The following EXOC6B variants were observed in gnomAD, a reference collection of about 807,000 sequenced individuals.
The protein encoded by EXOC6B is exocyst complex component 6B.
A neutral mutation model predicts 113.5 loss-of-function variants in EXOC6B; 54 were observed. The ratio of observed to expected loss-of-function variants is 0.48; its 90% CI spans 0.38 to 0.60. The LOEUF is 0.60. Among genes scored for constraint, EXOC6B ranks in the 20% least tolerant of loss-of-function variants. The pLI is 0.00. For synonymous variants in EXOC6B, 357 were observed against 339.0 expected (o/e 1.05, Z -0.58); for missense variants, 797 against 977.5 (o/e 0.82, Z 2.46).
At chr2:72,535,663 G>A (rs1203214216) in intron 8 of EXOC6B, among the ~76,000 whole-genome samples, 4 of 151,888 alleles carry the variant, frequency 2.6e-5, no homozygotes, top group East Asian at 1.9e-4. Context: ...ACCTGAGGTC[G>A]AGAGTTCAAG....
chr2:72,340,665 C>G (rs1401706228), intron 19 of EXOC6B, among the ~76,000 whole-genome samples: 1 of 152,106 alleles, frequency 6.6e-6, no homozygotes, highest in African/African-American at 2.4e-5. Flanking sequence ...AGCATAAAAT[C>G]CTAAGCTATA....
chr2:72,633,787 C>G (rs1223538830), intron 6 of EXOC6B, among the ~76,000 whole-genome samples: 1 of 151,926 alleles, frequency 6.6e-6, no homozygotes, highest in East Asian at 1.9e-4. Flanking sequence ...AGGGTCTGTC[C>G]CATTAAATAA....
At chr2:72,293,893 T>C (rs970607535) in intron 20 of EXOC6B, among the ~76,000 whole-genome samples, 2 of 152,106 alleles carry the variant, frequency 1.3e-5, no homozygotes, top group Admixed American at 6.5e-5. Flanking sequence ...AAAAAAGCTA[T>C]GGAAAAAGGC....
At chr2:72,557,679 A>G (rs1475786017) in intron 8 of EXOC6B, among the ~76,000 whole-genome samples, 2 of 152,074 alleles carry the variant, frequency 1.3e-5, no homozygotes, top group Non-Finnish European at 2.9e-5. Flanking sequence ...GAGGAGAGAG[A>G]GAAGCAGAAA....
intron 19 of EXOC6B, among the ~76,000 whole-genome samples, chr2:72,365,675 C>T (rs368955406): frequency 1.3e-5 from 2 of 152,054 alleles, no homozygotes; most frequent in African/African-American, 4.8e-5. Flanking sequence ...AAGGTCCTTT[C>T]GGTATTTGGT....
At chr2:72,636,521 G>A (rs1334150599) in intron 6 of EXOC6B, among the ~76,000 whole-genome samples, 7 of 150,516 alleles carry the variant, frequency 4.7e-5, no homozygotes, top group African/African-American at 1.7e-4. Flanking sequence ...AAAGAAGGAA[G>A]AAGAAGAGGC....
chr2:72,400,046 T>C (rs754118285), intron 18 of EXOC6B, among the ~76,000 whole-genome samples: 3 of 151,980 alleles, frequency 2.0e-5, no homozygotes, highest in East Asian at 1.9e-4. Flanking sequence ...TACAAAGCTA[T>C]AGTAATCAAA....
At chr2:72,369,564 A>G (rs935937554) in intron 19 of EXOC6B, among the ~76,000 whole-genome samples, 1 of 152,138 alleles carries the variant, frequency 6.6e-6, no homozygotes, top group Non-Finnish European at 1.5e-5. Context: ...GTCACTCCTA[A>G]GCCAAAAGAA....
chr2:72,813,745 C>T (rs765475477), intron 1 of EXOC6B, among the ~76,000 whole-genome samples: 86 of 152,284 alleles, frequency 5.6e-4, no homozygotes, highest in Admixed American at 1.0e-3. Context: ...CTTGATAAGA[C>T]CACATTTCAT....
chr2:72,816,682 C>A (rs1686267292), intron 1 of EXOC6B, among the ~76,000 whole-genome samples: 1 of 152,174 alleles, frequency 6.6e-6, no homozygotes, highest in South Asian at 2.1e-4. Flanking sequence ...TCCAGGAGCT[C>A]AGGTTCCTCA....
At chr2:72,539,491 T>G (rs1480626354) in intron 8 of EXOC6B, among the ~76,000 whole-genome samples, 1 of 152,150 alleles carries the variant, frequency 6.6e-6, no homozygotes, top group African/African-American at 2.4e-5. Flanking sequence ...AAAATGTGGC[T>G]CCCAACATCA....
At chr2:72,472,425 C>T (rs1221636027) in intron 17 of EXOC6B, among the ~76,000 whole-genome samples, 1 of 152,128 alleles carries the variant, frequency 6.6e-6, no homozygotes, top group Non-Finnish European at 1.5e-5. Flanking sequence ...CTTCCTGATT[C>T]AATCTTAGTA....
At chr2:72,791,672 G>T (rs986253530) in intron 1 of EXOC6B, among the ~76,000 whole-genome samples, 1 of 152,214 alleles carries the variant, frequency 6.6e-6, no homozygotes, top group Non-Finnish European at 1.5e-5. Flanking sequence ...GAGAACAAAT[G>T]ATGTGAAAGC....
At position 72,575,042 on chromosome 2, in the gene EXOC6B, T is replaced by C. The variant is rs561336364; in HGVS notation, c.846+450A>G. ...TCCTCCAGAAATGCAAACTCAACTT[T>C]CTGGAATCTTTGTGTATTTTCCATC... On this transcript the variant is annotated intron_variant, in intron 7 of 21. Coordinates refer to ENST00000272427, the MANE Select transcript of EXOC6B (RefSeq NM_015189.3). Among the ~76,000 whole-genome samples, 293 of 152,322 alleles carry C rather than the reference T, an allele frequency of 1.9e-3. 1 individual carries two copies. Among genetic ancestry groups the C allele is most frequent in the African/African-American group, 6.5e-3 (272 of 41,576 alleles).
At chr2:72,652,246 AC>A (rs1356592752) in intron 6 of EXOC6B, among the ~76,000 whole-genome samples, 1 of 152,208 alleles carries the variant, frequency 6.6e-6, no homozygotes, top group East Asian at 1.9e-4. Flanking sequence ...AGGAACGTCA[AC>A]CTTTGAAAGA....
intron 20 of EXOC6B, among the ~76,000 whole-genome samples, chr2:72,189,430 G>A (rs931850452): frequency 4.6e-5 from 7 of 152,010 alleles, no homozygotes; most frequent in African/African-American, 1.7e-4. Flanking sequence ...TCCCTCATTG[G>A]TGATATTAAT....
At chr2:72,806,729 G>A (rs1217825989) in intron 1 of EXOC6B, among the ~76,000 whole-genome samples, 3 of 23,686 alleles carry the variant, frequency 1.3e-4, no homozygotes, top group Non-Finnish European at 2.3e-4. Flanking sequence ...GCCAATCTGA[G>A]TAGTGTGAGA....
intron 6 of EXOC6B, 52 bp downstream of exon 6, chr2:72,718,051 A>G: frequency 7.3e-7 from 1 of 1,363,500 alleles, no homozygotes. Flanking sequence ...ACCTGTGTTT[A>G]ACTCAATACT....
chr2:72,492,446 A>G lies in EXOC6B; in HGVS notation c.1554-17T>C. 2 of 1,551,080 alleles carry G rather than the reference A, an allele frequency of 1.3e-6. No homozygotes were observed. The highest frequency in any genetic ancestry group is 1.8e-6 in the Non-Finnish European group (2 of 1,123,518). On this transcript the variant is annotated splice_polypyrimidine_tract_variant and intron_variant, in intron 15 of 21. Transcript: ENST00000272427. ...TCAGTTGAGCTGAAAAAGAAGCATTAAGAGTCAGTCATAGCAGGTAGCAGA... is the reference window on the plus strand; with the variant it reads ...TCAGTTGAGCTGAAAAAGAAGCATTGAGAGTCAGTCATAGCAGGTAGCAGA...
Sources: allele counts gnomAD v4.1 joint callset (sites outside exome capture counted in the v4.1 genomes callset), GRCh38; gene constraint gnomAD v4.1.1; transcripts MANE v1.5; gene names NCBI Gene and HGNC (gene_info 2026-07-23, HGNC 2026-07-21).